DLGAP3: variants seen among roughly 807,000 people sequenced by gnomAD.
DLGAP3 encodes disks large-associated protein 3.
In DLGAP3, 17 loss-of-function variants were observed where a neutral mutation model predicts 81.2. The ratio of observed to expected loss-of-function variants is 0.21; its 90% CI spans 0.14 to 0.31. The LOEUF (loss-of-function observed/expected upper bound fraction) is 0.31. DLGAP3 is among the 10% of genes least tolerant of loss of function. The pLI is 1.00. For synonymous variants in DLGAP3, 577 were observed against 587.4 expected (o/e 0.98, Z 0.26); for missense variants, 1,124 against 1,388.0 (o/e 0.81, Z 3.02).
At chr1:34,927,447 T>C (rs1569677123) in intron 1 of DLGAP3, among the ~76,000 whole-genome samples, 1 of 152,146 alleles carries the variant, frequency 6.6e-6, no homozygotes, top group East Asian at 1.9e-4. Flanking sequence ...CTCCTGGCCA[T>C]CATTCTACAG....
At chr1:34,915,000 A>AT (rs1302515327) in intron 1 of DLGAP3, among the ~76,000 whole-genome samples, 1 of 152,134 alleles carries the variant, frequency 6.6e-6, no homozygotes, top group Admixed American at 6.5e-5. Context: ...TGATTTGCAG[A>AT]CTCCCACAAA....
chr1:34,895,976 T>C lies in DLGAP3; in HGVS notation c.1386+3693A>G, dbSNP rs1355555427. Among the ~76,000 whole-genome samples the C allele has an allele frequency of 6.6e-6, 1 of 151,240 alleles. No homozygotes were observed. Among genetic ancestry groups the C allele is most frequent in the African/African-American group, 2.4e-5 (1 of 41,022 alleles). On this transcript the variant is annotated intron_variant, in intron 5 of 11. Transcript: ENST00000373347. The surrounding 1 kb of genome is among the most constrained non-coding windows in gnomAD (Gnocchi z 4.5). ...CACACTACTCAAAGTGGGTCATACA[T>C]CTAAATATAAATGTTAAACTACAAA...
chr1:34,926,858 A>G (rs1303526674), intron 1 of DLGAP3, among the ~76,000 whole-genome samples: 1 of 152,154 alleles, frequency 6.6e-6, no homozygotes, highest in Non-Finnish European at 1.5e-5. Context: ...AAGTTTCTCT[A>G]TTCATTAGGA....
intron 1 of DLGAP3, among the ~76,000 whole-genome samples, chr1:34,927,449 A>G (rs1639891732): frequency 6.6e-6 from 1 of 152,122 alleles, no homozygotes; most frequent in African/African-American, 2.4e-5. Context: ...CCTGGCCATC[A>G]TTCTACAGCT....
Position 34,904,551 on chromosome 1 carries a change from C to T in DLGAP3, c.833G>A (p.Arg278Lys). The T allele has an allele frequency of 6.2e-7, 1 of 1,614,130 alleles. No homozygotes were observed. The highest frequency in any genetic ancestry group is 8.5e-7 in the Non-Finnish European group (1 of 1,179,948). The change falls in exon 3 of 12, where the codon AGG becomes AAG. Residue 278 changes from arginine to lysine, a missense_variant. By Grantham distance (26) the Arg-to-Lys change is conservative. Coordinates refer to ENST00000373347, the MANE Select transcript of DLGAP3 (RefSeq NM_001080418.3). This position sits in a 1 kb window ranked among gnomAD's most constrained non-coding sequence, Gnocchi z 8.1. The part of the protein sequence containing the change: ...DSDSGFLAGG[R>K]PPGEPGGPFC... ...GGGACCACCAGGCTCCCCAGGGGGCCTCCCACCCGCCAGGAAGCCGCTATC... is the reference window on the plus strand; with the variant it reads ...GGGACCACCAGGCTCCCCAGGGGGCTTCCCACCCGCCAGGAAGCCGCTATC...
chr1:34,901,065 G>A (rs934690227), intron 3 of DLGAP3, among the ~76,000 whole-genome samples: 1 of 152,132 alleles, frequency 6.6e-6, no homozygotes, highest in African/African-American at 2.4e-5. Flanking sequence ...CTGGGGAAAG[G>A]TGGTAGGGTC....
At chr1:34,884,715 T>C (rs1639192032) in intron 8 of DLGAP3, among the ~76,000 whole-genome samples, 1 of 152,162 alleles carries the variant, frequency 6.6e-6, no homozygotes, top group Non-Finnish European at 1.5e-5. Flanking sequence ...CATCCTCTCC[T>C]TCCCTGCAAC....
At chr1:34,870,955 A>G (rs1240466078) in intron 8 of DLGAP3, among the ~76,000 whole-genome samples, 1 of 152,260 alleles carries the variant, frequency 6.6e-6, no homozygotes, top group Non-Finnish European at 1.5e-5. Context: ...TATTAGATAT[A>G]AATATACACA....
chr1:34,877,829 G>A (rs1639081330), intron 8 of DLGAP3, among the ~76,000 whole-genome samples: 1 of 152,164 alleles, frequency 6.6e-6, no homozygotes. Context: ...GTGAAGAAGA[G>A]AAAGTAAACT....
rs1639216103 is a variant in DLGAP3, at chr1:34,885,801, G to T, written c.1601-10C>A. 1.4e-6 allele frequency: 2 copies of T among 1,406,004 alleles called. No homozygotes were observed. The highest frequency in any genetic ancestry group is 1.8e-6 in the Non-Finnish European group (2 of 1,085,492). 87.1% of individuals were successfully genotyped at this position (1,406,004 alleles called of 1,614,324 possible). ...TTTCTGAAGTTGAAGGCTGTGGCCGGCGAGCGCAGAGACGCAGTGGGTGAG... is the reference window on the plus strand; with the variant it reads ...TTTCTGAAGTTGAAGGCTGTGGCCGTCGAGCGCAGAGACGCAGTGGGTGAG... On this transcript the variant is annotated splice_polypyrimidine_tract_variant and intron_variant, in intron 6 of 11. Transcript: ENST00000373347.
intron 5 of DLGAP3, among the ~76,000 whole-genome samples, chr1:34,891,018 A>G (rs1305538830): frequency 1.3e-5 from 2 of 152,106 alleles, no homozygotes; most frequent in South Asian, 2.1e-4. Flanking sequence ...TAACTTTTAA[A>G]TGATGTTTAA....
In DLGAP3 at chr1:34,886,939, C is replaced by A. The variant is rs576296826; in HGVS notation, c.1387-654G>T. ...TACCAGTGTCCCAAGCCTTCCCCCACCTTCTTTTTTTTTTTTTTTTTTTTT... is the reference window on the plus strand; with the variant it reads ...TACCAGTGTCCCAAGCCTTCCCCCAACTTCTTTTTTTTTTTTTTTTTTTTT... On this transcript the variant is annotated intron_variant, in intron 5 of 11. Transcript: ENST00000373347. Among the ~76,000 whole-genome samples, 15 of 141,510 alleles carry A rather than the reference C, an allele frequency of 1.1e-4. No individual in the cohort carries two copies. The East Asian group carries it at 2.4e-3, about 23-fold the overall frequency. 92.8% of individuals were successfully genotyped at this position (141,510 alleles called of 152,430 possible).
rs746484707 is a variant in DLGAP3, at chr1:34,867,556, G to T, written c.2557C>A (p.Arg853=). 2.5e-6 allele frequency: 4 copies of T among 1,613,900 alleles called. No homozygotes were observed. The African/African-American group carries it at 4.0e-5, about 16-fold the overall frequency. Residue 853 remains arginine, a synonymous_variant, in exon 10 of 12, where the codon CGG becomes AGG. Transcript: ENST00000373347. This position sits in a 1 kb window ranked among gnomAD's most constrained non-coding sequence, Gnocchi z 4.3. ...CTCACCATGCTTTGCTGACACAGCCGGAAGAACTGCTGAACCTTCTGGGAC... is the reference window on the plus strand; with the variant it reads ...CTCACCATGCTTTGCTGACACAGCCTGAAGAACTGCTGAACCTTCTGGGAC... ...LLSQKVQQFF[R]LCQQSMDPTA...
At chr1:34,926,496 T>A (rs930480992) in intron 1 of DLGAP3, among the ~76,000 whole-genome samples, 1 of 152,156 alleles carries the variant, frequency 6.6e-6, no homozygotes, top group Non-Finnish European at 1.5e-5. Flanking sequence ...GCTTGCATAG[T>A]GGAGGGTACG....
At position 34,895,365 on chromosome 1, in the gene DLGAP3, C is replaced by CA. The variant is rs547362741; in HGVS notation, c.1386+4303dup. 0.041 allele frequency among the ~76,000 whole-genome samples: 3,517 copies of CA among 86,762 alleles called. 152 individuals are homozygous for CA. Among genetic ancestry groups the CA allele is most frequent in the Admixed American group, 0.17 (1,476 of 8,730 alleles). The allele number at this position is 86,762 out of a possible 152,430, so 56.9% of individuals were successfully genotyped here. ...CCTGGGCGACAGAGCGAGACTGTCT[C>CA]AAAAAAAAAAAAAAATTAAAATAAT... is the stretch of plus-strand genomic sequence containing the variant. On this transcript the variant is annotated intron_variant, in intron 5 of 11. Transcript: ENST00000373347. The surrounding 1 kb of genome is among the most constrained non-coding windows in gnomAD (Gnocchi z 4.5).
Position 34,904,835 on chromosome 1 carries a change from C to A in DLGAP3, c.549G>T (p.Lys183Asn). The A allele has an allele frequency of 6.2e-7, 1 of 1,610,182 alleles. No individual in the cohort carries two copies. Among genetic ancestry groups the A allele is most frequent in the Non-Finnish European group, 8.5e-7 (1 of 1,180,030 alleles). Reference protein sequence around the residue: ...LVHSVQKLFAKSHSLEAPGKR... With the variant: ...LVHSVQKLFANSHSLEAPGKR... ...TCCCCGGCGCCTCCAGAGAGTGGGACTTGGCAAAGAGCTTCTGCACAGAAT... is the reference window on the plus strand; with the variant it reads ...TCCCCGGCGCCTCCAGAGAGTGGGAATTGGCAAAGAGCTTCTGCACAGAAT... Residue 183 changes from lysine to asparagine, a missense_variant, in exon 3 of 12, where the codon AAG becomes AAT. Lys to Asn is a moderately conservative substitution (Grantham distance 94, BLOSUM62 0). Coordinates refer to ENST00000373347, the MANE Select transcript of DLGAP3 (RefSeq NM_001080418.3). The surrounding 1 kb of genome is among the most constrained non-coding windows in gnomAD (Gnocchi z 8.1).
chr1:34,926,370 G>A (rs1487822524), intron 1 of DLGAP3, among the ~76,000 whole-genome samples: 2 of 152,212 alleles, frequency 1.3e-5, no homozygotes, highest in African/African-American at 4.8e-5. Context: ...TAACGATGGT[G>A]CCACTGCCTC....
intron 1 of DLGAP3, among the ~76,000 whole-genome samples, chr1:34,927,098 T>A (rs1445251595): frequency 1.3e-5 from 2 of 152,138 alleles, no homozygotes; most frequent in Non-Finnish European, 2.9e-5. Flanking sequence ...GACAAGCCCA[T>A]GGCCTACCTC....
chr1:34,913,286 G>A (rs1639665646), intron 1 of DLGAP3, among the ~76,000 whole-genome samples: 1 of 152,216 alleles, frequency 6.6e-6, no homozygotes, highest in African/African-American at 2.4e-5. Flanking sequence ...CATTTAGGCA[G>A]ATACAAGTCT....
Sources: allele counts gnomAD v4.1 joint callset (sites outside exome capture counted in the v4.1 genomes callset), GRCh38; gene constraint gnomAD v4.1.1; non-coding constraint Gnocchi (gnomAD v3.1); transcripts MANE v1.5; gene names NCBI Gene and HGNC (gene_info 2026-07-23, HGNC 2026-07-21).